The following NALF1 variants were observed in gnomAD, a reference collection of about 807,000 sequenced individuals.
NALF1 encodes NALCN channel auxiliary factor 1.
A neutral mutation model predicts 48.4 loss-of-function variants in NALF1; 3 were observed. That is an observed-to-expected ratio of 0.06 (90% confidence interval 0.03 to 0.16). NALF1 has a LOEUF of 0.16. Ranked by LOEUF, NALF1 falls within the 10% of genes least tolerant of loss-of-function variation. The pLI is 1.00. For missense variants in NALF1, 526 were observed against 571.5 expected, an observed-to-expected ratio of 0.92 and a Z score of 0.81; for synonymous variants, 262 against 245.7, an observed-to-expected ratio of 1.07 and a Z score of -0.62.
At chr13:107,553,792 C>T (rs1035912224) in intron 1 of NALF1, among the ~76,000 whole-genome samples, 4 of 152,226 alleles carry the variant, frequency 2.6e-5, no homozygotes, top group African/African-American at 9.6e-5. Flanking sequence ...GAATCCAAGA[C>T]GCGAGTATCT....
intron 1 of NALF1, among the ~76,000 whole-genome samples, chr13:107,326,240 C>A (rs1882362617): frequency 1.3e-5 from 2 of 151,826 alleles, no homozygotes; most frequent in African/African-American, 2.4e-5. Flanking sequence ...GCACCTGAAG[C>A]AAAGTTTAAT....
chr13:107,714,416 C>T (rs913329688), intron 1 of NALF1, among the ~76,000 whole-genome samples: 2 of 151,996 alleles, frequency 1.3e-5, no homozygotes, highest in African/African-American at 2.4e-5. Context: ...CCTATAATCC[C>T]AGTACTTTGG....
chr13:107,518,565 G>C (rs943341931), intron 1 of NALF1, among the ~76,000 whole-genome samples: 1 of 152,104 alleles, frequency 6.6e-6, no homozygotes, highest in Non-Finnish European at 1.5e-5. Context: ...TTTTCTAAGT[G>C]CTCGGGATAT....
chr13:107,761,177 GA>G (rs1877252513), intron 1 of NALF1, among the ~76,000 whole-genome samples: 1 of 152,060 alleles, frequency 6.6e-6, no homozygotes, highest in Non-Finnish European at 1.5e-5. Context: ...CTAACACGGT[GA>G]AACCCCATTT....
intron 1 of NALF1, among the ~76,000 whole-genome samples, chr13:107,424,114 A>T (rs559837841): frequency 1.4e-3 from 215 of 152,220 alleles, no homozygotes; most frequent in African/African-American, 4.9e-3. Context: ...TGCTGTAATG[A>T]GGAAGATACA....
intron 1 of NALF1, among the ~76,000 whole-genome samples, chr13:107,268,424 C>CCACA (rs59222169): frequency 6.6e-6 from 1 of 151,356 alleles, no homozygotes; most frequent in Non-Finnish European, 1.5e-5. Flanking sequence ...TATACAACAC[C>CCACA]CACACACACA....
Position 107,164,937 on chromosome 13 carries a change from T to C in NALF1, c.*5560A>G, listed in dbSNP as rs1342487248. 1 of 152,132 alleles carries C rather than the reference T, an allele frequency of 6.6e-6. No homozygotes were observed. Among genetic ancestry groups the C allele is most frequent in the Non-Finnish European group, 1.5e-5 (1 of 68,040 alleles). The allele number at this position is 152,132 out of a possible 1,614,324, so 9.4% of individuals were successfully genotyped here. ...TAACTAACTACTACTGAGCACCTGT[T>C]TTGTCCAGGCACATTTATATTACTT... On this transcript the variant is annotated 3_prime_UTR_variant, in exon 3 of 3. Transcript: ENST00000375915.
At position 107,485,774 on chromosome 13, in the gene NALF1, A is replaced by C. The variant is rs140628902; in HGVS notation, c.916-275019T>G. Among the ~76,000 whole-genome samples, 735 of 152,314 alleles carry C rather than the reference A, an allele frequency of 4.8e-3. 4 individuals are homozygous for C. Among genetic ancestry groups the C allele is most frequent in the African/African-American group, 0.015 (621 of 41,582 alleles). On this transcript the variant is annotated intron_variant, in intron 1 of 2. Coordinates refer to ENST00000375915, the MANE Select transcript of NALF1 (RefSeq NM_001080396.3). The stretch of plus-strand genomic sequence containing the variant: ...GCACTATGTTGCTACCTAAAATTTA[A>C]CCAAAATCAAAAATCTTTTATGTAC...
intron 1 of NALF1, among the ~76,000 whole-genome samples, chr13:107,601,795 A>C (rs1179246595): frequency 1.3e-5 from 2 of 152,166 alleles, no homozygotes; most frequent in Non-Finnish European, 1.5e-5. Flanking sequence ...AGGTGGAAAT[A>C]GAGTATGTTT....
chr13:107,474,665 G>A (rs1354989040), intron 1 of NALF1, among the ~76,000 whole-genome samples: 2 of 152,174 alleles, frequency 1.3e-5, no homozygotes, highest in East Asian at 3.9e-4. Flanking sequence ...CTGCAGGCTT[G>A]AGATTTTTCA....
intron 1 of NALF1, among the ~76,000 whole-genome samples, chr13:107,787,238 G>A (rs1477185694): frequency 6.6e-6 from 1 of 152,082 alleles, no homozygotes; most frequent in East Asian, 1.9e-4. Flanking sequence ...TTATGTTGAT[G>A]AGAAATCCAT....
intron 2 of NALF1, among the ~76,000 whole-genome samples, chr13:107,175,173 G>A (rs1401589655): frequency 6.6e-6 from 1 of 151,814 alleles, no homozygotes; most frequent in Non-Finnish European, 1.5e-5. Flanking sequence ...ACAGGCGTGA[G>A]CCATCGCGCC....
At chr13:107,383,128 T>C (rs1329013792) in intron 1 of NALF1, among the ~76,000 whole-genome samples, 1 of 152,206 alleles carries the variant, frequency 6.6e-6, no homozygotes, top group Non-Finnish European at 1.5e-5. Context: ...ACTCTAAGGA[T>C]TCTTTTTAGC....
At chr13:107,569,459 G>C (rs955041479) in intron 1 of NALF1, among the ~76,000 whole-genome samples, 3 of 151,624 alleles carry the variant, frequency 2.0e-5, no homozygotes, top group South Asian at 2.1e-4. Flanking sequence ...GCGACACAGC[G>C]AGACTCCGTC....
intron 1 of NALF1, among the ~76,000 whole-genome samples, chr13:107,341,467 A>G (rs76762327): frequency 0.011 from 1,633 of 152,120 alleles, 9 homozygotes; most frequent in Middle Eastern, 0.017. Flanking sequence ...CTACTATGCT[A>G]CTTGACCTTG....
At chr13:107,354,277 C>A (rs968608905) in intron 1 of NALF1, among the ~76,000 whole-genome samples, 1 of 152,026 alleles carries the variant, frequency 6.6e-6, no homozygotes, top group Non-Finnish European at 1.5e-5. Context: ...AGAGAGAGTA[C>A]ACTTGTGCTG....
intron 1 of NALF1, among the ~76,000 whole-genome samples, chr13:107,772,166 G>A (rs146647808): frequency 1.1e-3 from 167 of 152,098 alleles, no homozygotes; most frequent in Non-Finnish European, 1.9e-3. Flanking sequence ...GGGTGGACCC[G>A]TCCCTCCTCT....
intron 1 of NALF1, among the ~76,000 whole-genome samples, chr13:107,229,932 G>T (rs765521134): frequency 2.6e-5 from 4 of 152,154 alleles, no homozygotes; most frequent in African/African-American, 9.7e-5. Flanking sequence ...AGGGTAAAGC[G>T]AAGGGACACC....
At chr13:107,529,259 T>A (rs139644450) in intron 1 of NALF1, among the ~76,000 whole-genome samples, 1 of 152,254 alleles carries the variant, frequency 6.6e-6, no homozygotes, top group East Asian at 1.9e-4. Flanking sequence ...GCATAGTGAA[T>A]AATTATTCAA....
Sources: gnomAD v4.1 joint callset for allele counts (sites outside exome capture counted in the v4.1 genomes callset) on GRCh38, gnomAD v4.1.1 for gene constraint, MANE v1.5 for transcripts, NCBI Gene and HGNC (gene_info 2026-07-23, HGNC 2026-07-21) for gene names.